Variants in RHOU observed in about 807,000 individuals in gnomAD.
RHOU encodes rho-related GTP-binding protein RhoU.
In RHOU, 8 loss-of-function variants were observed where a neutral mutation model predicts 12.6. The observed-to-expected ratio is 0.64, with a 90% CI of 0.37 to 1.15. The LOEUF (loss-of-function observed/expected upper bound fraction) is 1.15, where lower values mean the gene tolerates loss of function less well. Ranked by LOEUF, RHOU falls within the 50% of genes most tolerant of loss-of-function variation. RHOU has a pLI of 0.01. For synonymous variants in RHOU, 161 were observed against 147.4 expected (o/e 1.09, Z -0.67); for missense variants, 258 against 347.0 (o/e 0.74, Z 2.04).
chr1:228,721,199 G>A, the RHOU span, among the ~76,000 whole-genome samples: 2 of 152,198 alleles, frequency 1.3e-5, no homozygotes, highest in Non-Finnish European at 2.9e-5. Context: ...CCACTCGGGA[G>A]GCTGAAGCAG....
At chr1:228,705,724 G>T in the RHOU span, among the ~76,000 whole-genome samples, 1 of 152,108 alleles carries the variant, frequency 6.6e-6, no homozygotes, top group East Asian at 1.9e-4. Flanking sequence ...TTTCTGTCAT[G>T]GCTTCCAAAC....
At chr1:228,665,842 G>A in the RHOU span, among the ~76,000 whole-genome samples, 1 of 152,066 alleles carries the variant, frequency 6.6e-6, no homozygotes, top group Non-Finnish European at 1.5e-5. Flanking sequence ...TTCTACCCTG[G>A]GAGAAAGCAG....
At chr1:228,681,902 C>G in the RHOU span, among the ~76,000 whole-genome samples, 2 of 151,974 alleles carry the variant, frequency 1.3e-5, no homozygotes, top group African/African-American at 4.8e-5. Flanking sequence ...GGTGAGCAGC[C>G]AAAGCAGGTG....
intron 2 of RHOU, among the ~76,000 whole-genome samples, chr1:228,741,068 T>A (rs1662711501): frequency 6.6e-6 from 1 of 151,606 alleles, no homozygotes; most frequent in Non-Finnish European, 1.5e-5. Context: ...TTTTGACCCA[T>A]AAAGTACTTG....
chr1:228,695,671 G>C, the RHOU span, among the ~76,000 whole-genome samples: 1 of 152,212 alleles, frequency 6.6e-6, no homozygotes, highest in Non-Finnish European at 1.5e-5. Flanking sequence ...GGGTGTGAAG[G>C]GGGTGCAGGT....
chr1:228,649,351 A>C, the RHOU span, among the ~76,000 whole-genome samples: 10 of 152,324 alleles, frequency 6.6e-5, no homozygotes, highest in African/African-American at 2.4e-4. Context: ...CTGGAGGCTG[A>C]AGCAATCATA....
At chr1:228,695,178 C>G in the RHOU span, among the ~76,000 whole-genome samples, 1 of 152,078 alleles carries the variant, frequency 6.6e-6, no homozygotes, top group Non-Finnish European at 1.5e-5. Context: ...GTATGTTGCC[C>G]AGGTTGGTCT....
chr1:228,654,268 C>A, the RHOU span, among the ~76,000 whole-genome samples: 1 of 151,764 alleles, frequency 6.6e-6, no homozygotes, highest in Non-Finnish European at 1.5e-5. Flanking sequence ...ATCACCATGA[C>A]CAGGTAATTT....
the RHOU span, among the ~76,000 whole-genome samples, chr1:228,698,228 A>G: frequency 3.3e-5 from 5 of 152,220 alleles, no homozygotes; most frequent in East Asian, 9.6e-4. Context: ...AGAGACTACT[A>G]TTATGACTAT....
chr1:228,681,049 C>T, the RHOU span, among the ~76,000 whole-genome samples: 5 of 152,248 alleles, frequency 3.3e-5, no homozygotes, highest in African/African-American at 1.2e-4. Flanking sequence ...GTTAGGCTGA[C>T]ATTTAAGTCT....
the RHOU span, chr1:228,687,343 A>T: frequency 5.3e-6 from 4 of 759,636 alleles, no homozygotes; most frequent in Non-Finnish European, 9.4e-6. Context: ...GGAATGGTAC[A>T]AATCAACGAA....
Position 228,744,333 on chromosome 1 carries a change from C to G in RHOU, c.*593C>G, listed in dbSNP as rs963028015. The G allele has an allele frequency of 1.3e-5, 2 of 152,276 alleles. No individual in the cohort carries two copies. Among genetic ancestry groups the G allele is most frequent in the Admixed American group, 6.5e-5 (1 of 15,282 alleles). 9.4% of individuals were successfully genotyped at this position (152,276 alleles called of 1,614,324 possible). A position where few individuals can be genotyped will look rare whatever the true frequency, so the allele number is the denominator to read the frequency against. On this transcript the variant is annotated 3_prime_UTR_variant, in exon 3 of 3. Coordinates refer to ENST00000366691, the MANE Select transcript of RHOU (RefSeq NM_021205.6). ...CAGTTACTTATGATTTAAAAACAAC[C>G]AACAGAAAACATCCCACTGACTGTA...
rs12402303 is a variant in RHOU at position 228,743,088 on chromosome 1, T to C, written c.322-197T>C. On this transcript the variant is annotated intron_variant, in intron 2 of 2. Transcript: ENST00000366691. The surrounding 1 kb of genome is among the most constrained non-coding windows in gnomAD (Gnocchi z 5.1). ...GACCATAGCTGGCCCTGAAAGCAGATGGCTGCCACACCTTCGCTGGTGCAC... is the reference window on the plus strand; with the variant it reads ...GACCATAGCTGGCCCTGAAAGCAGACGGCTGCCACACCTTCGCTGGTGCAC... 0.53 allele frequency among the ~76,000 whole-genome samples: 80,934 copies of C among 152,036 alleles called. 24,494 individuals carry two copies. The highest frequency in any genetic ancestry group is 0.85 in the African/African-American group (35,212 of 41,492).
the RHOU span, among the ~76,000 whole-genome samples, chr1:228,686,607 G>C: frequency 7.2e-5 from 11 of 152,240 alleles, no homozygotes; most frequent in African/African-American, 2.6e-4. Context: ...TTTAGTATTG[G>C]GTCGGTGCAA....
In RHOU at chr1:228,735,661, C is replaced by A. The variant is rs1662586757; in HGVS notation, c.-82C>A. The A allele has an allele frequency of 1.8e-6, 2 of 1,094,628 alleles. No homozygotes were observed. The highest frequency in any genetic ancestry group is 1.1e-6 in the Non-Finnish European group (1 of 882,956). The allele number at this position is 1,094,628 out of a possible 1,614,324, so 67.8% of individuals were successfully genotyped here. The stretch of plus-strand genomic sequence containing the variant: ...CCCGCAGCTGTCGGTGACAGCTCCT[C>A]CCTACCGCAACCCTCCGGGGCGGAG... On this transcript the variant is annotated 5_prime_UTR_variant, in exon 1 of 3. Coordinates refer to ENST00000366691, the MANE Select transcript of RHOU (RefSeq NM_021205.6). This position sits in a 1 kb window ranked among gnomAD's most constrained non-coding sequence, Gnocchi z 8.1.
chr1:228,665,878 A>G, the RHOU span, among the ~76,000 whole-genome samples: 2 of 152,190 alleles, frequency 1.3e-5, no homozygotes, highest in East Asian at 3.8e-4. Context: ...CAAGGCCCCA[A>G]GATGTCAAAG....
At chr1:228,681,211 C>T in the RHOU span, among the ~76,000 whole-genome samples, 1 of 152,132 alleles carries the variant, frequency 6.6e-6, no homozygotes, top group Admixed American at 6.6e-5. Flanking sequence ...TCAGCTCCAG[C>T]CACCTCTCTA....
the RHOU span, among the ~76,000 whole-genome samples, chr1:228,686,786 G>A: frequency 7.2e-5 from 11 of 152,242 alleles, no homozygotes; most frequent in African/African-American, 1.9e-4. Flanking sequence ...TGTCTCTCAG[G>A]CTGGAGTGCA....
the RHOU span, among the ~76,000 whole-genome samples, chr1:228,712,833 AAAAT>A: frequency 5.8e-3 from 411 of 70,896 alleles, 4 homozygotes; most frequent in Middle Eastern, 0.046. Flanking sequence ...ATAAATAAAT[AAAAT>A]AAAATAAAAT....
Sources: allele counts gnomAD v4.1 joint callset (sites outside exome capture counted in the v4.1 genomes callset), GRCh38; gene constraint gnomAD v4.1.1; non-coding constraint Gnocchi (gnomAD v3.1); transcripts MANE v1.5; gene names NCBI Gene and HGNC (gene_info 2026-07-23, HGNC 2026-07-21).